Variants in PCDH15 observed in about 807,000 individuals in gnomAD.
PCDH15 encodes the protein protocadherin related 15, also known as protocadherin-15.
A neutral mutation model predicts 178.5 loss-of-function variants in PCDH15; 129 were observed. The observed-to-expected ratio is 0.72, with a 90% CI of 0.63 to 0.84. The LOEUF (loss-of-function observed/expected upper bound fraction) is 0.84, where lower values mean the gene tolerates loss of function less well. Ranked by LOEUF, PCDH15 falls within the 40% of genes least tolerant of loss-of-function variation. PCDH15 has a pLI of 0.00. For synonymous variants in PCDH15, 800 were observed against 732.0 expected (o/e 1.09, Z -1.50); for missense variants, 2,230 against 2,099.9 (o/e 1.06, Z -1.21).
At chr10:53,921,200 T>G (rs1428927715) in intron 25 of PCDH15, among the ~76,000 whole-genome samples, 1 of 152,192 alleles carries the variant, frequency 6.6e-6, no homozygotes, top group African/African-American at 2.4e-5. Context: ...CAACACAAAT[T>G]GATAAACCTT....
Position 54,750,095 on chromosome 10 carries a change from T to C in PCDH15, c.-29+50830A>G, listed in dbSNP as rs78934101. Among the ~76,000 whole-genome samples the C allele has an allele frequency of 2.0e-5, 3 of 152,000 alleles. No homozygotes were observed. The East Asian group carries it at 5.8e-4, about 29-fold the overall frequency. On this transcript the variant is annotated intron_variant, in intron 1 of 37. Coordinates refer to ENST00000644397, the MANE Select transcript of PCDH15 (RefSeq NM_001384140.1). ...AGGTACATGAAGCGCCCTTGCTCTG[T>C]CTCTCTTTCTCTCTTTCTCTCCTCT...
At chr10:54,204,854 A>T (rs952618536) in intron 10 of PCDH15, among the ~76,000 whole-genome samples, 2 of 152,234 alleles carry the variant, frequency 1.3e-5, no homozygotes, top group Admixed American at 6.5e-5. Context: ...CTTTCCCACT[A>T]AGTGTTTCCC....
At chr10:55,216,891 G>A (rs1840719454) in intron 1 of PCDH15, among the ~76,000 whole-genome samples, 1 of 151,774 alleles carries the variant, frequency 6.6e-6, no homozygotes. Context: ...TTTTCTCCAT[G>A]TAAGTAAAGC....
intron 1 of PCDH15, among the ~76,000 whole-genome samples, chr10:55,201,683 T>C (rs1237484581): frequency 6.6e-6 from 1 of 152,186 alleles, no homozygotes; most frequent in African/African-American, 2.4e-5. Context: ...ATTCCACTGA[T>C]ACGTGAAAAC....
At chr10:54,144,235 G>A (rs528448585) in intron 14 of PCDH15, among the ~76,000 whole-genome samples, 186 of 152,176 alleles carry the variant, frequency 1.2e-3, no homozygotes, top group Non-Finnish European at 2.2e-3. Context: ...CTGACAACCA[G>A]TTTCCCCATG....
At chr10:54,294,771 A>G (rs1408297279) in intron 8 of PCDH15, among the ~76,000 whole-genome samples, 1 of 152,240 alleles carries the variant, frequency 6.6e-6, no homozygotes, top group African/African-American at 2.4e-5. Flanking sequence ...CTGGATTATT[A>G]GAATTATTTT....
intron 5 of PCDH15, among the ~76,000 whole-genome samples, chr10:54,354,035 GAGTGCA>G (rs1178846385): frequency 2.6e-5 from 4 of 152,090 alleles, no homozygotes; most frequent in Non-Finnish European, 5.9e-5. Flanking sequence ...GGCCAGGCTG[GAGTGCA>G]ATGGCACAAT....
intron 3 of PCDH15, among the ~76,000 whole-genome samples, chr10:54,894,100 C>T (rs1954509668): frequency 6.6e-6 from 1 of 152,016 alleles, no homozygotes; most frequent in African/African-American, 2.4e-5. Flanking sequence ...TATTTGAATT[C>T]AGAAGTGTTT....
At chr10:54,462,938 C>T (rs1370817448) in intron 3 of PCDH15, among the ~76,000 whole-genome samples, 2 of 151,822 alleles carry the variant, frequency 1.3e-5, no homozygotes, top group East Asian at 3.9e-4. Context: ...TTTCATAAAA[C>T]ACTAAAAATG....
intron 1 of PCDH15, among the ~76,000 whole-genome samples, chr10:55,173,176 T>TA (rs1349582075): frequency 6.6e-6 from 1 of 151,948 alleles, no homozygotes; most frequent in Non-Finnish European, 1.5e-5. Context: ...CTTTTTTTTT[T>TA]AACCTCCAGG....
At chr10:55,349,044 G>A (rs531243146) in intron 2 of PCDH15, among the ~76,000 whole-genome samples, 34 of 152,222 alleles carry the variant, frequency 2.2e-4, no homozygotes, top group Middle Eastern at 3.4e-3. Context: ...CAGATTGCAT[G>A]GACTTGATCA....
intron 14 of PCDH15, among the ~76,000 whole-genome samples, chr10:54,135,451 A>T (rs1452320751): frequency 6.6e-6 from 1 of 152,146 alleles, no homozygotes. Flanking sequence ...AAACAATGGG[A>T]AGTTACAAAA....
chr10:53,862,565 T>A (rs1589140311), intron 27 of PCDH15, among the ~76,000 whole-genome samples: 1 of 152,168 alleles, frequency 6.6e-6, no homozygotes, highest in Non-Finnish European at 1.5e-5. Flanking sequence ...CAGTGACAGG[T>A]ACATTTTTTT....
intron 1 of PCDH15, among the ~76,000 whole-genome samples, chr10:54,678,563 A>G (rs534174308): frequency 6.6e-6 from 1 of 152,276 alleles, no homozygotes; most frequent in Admixed American, 6.5e-5. Context: ...ACAAATTTTA[A>G]AAACAAAAAA....
In PCDH15 at chr10:55,391,854, C is replaced by T. The variant is rs190962753; in HGVS notation, c.-155-225203G>A. 2.8e-3 allele frequency among the ~76,000 whole-genome samples: 423 copies of T among 152,300 alleles called. 1 individual carries two copies. Among genetic ancestry groups the T allele is most frequent in the Non-Finnish European group, 5.2e-3 (354 of 68,026 alleles). On this transcript the variant is annotated intron_variant, in intron 2 of 5. Coordinates refer to the PCDH15 transcript ENST00000613346. ...TTCACAACCCGGCTAACTGTTTGGC[C>T]TAAGAGGCCTAGCTTTCAGCCTATC... is the stretch of plus-strand genomic sequence containing the variant.
chr10:54,503,225 A>ATGTG (rs35951831), intron 3 of PCDH15, among the ~76,000 whole-genome samples: 6,261 of 83,710 alleles, frequency 0.075, 244 homozygotes, highest in African/African-American at 0.14. Context: ...ATACATATAT[A>ATGTG]TGTGTGTGTG....
At chr10:54,615,322 A>G (rs1439656415) in intron 2 of PCDH15, among the ~76,000 whole-genome samples, 16 of 152,088 alleles carry the variant, frequency 1.1e-4, no homozygotes, top group African/African-American at 2.4e-5. Context: ...GTATAGAAGT[A>G]TACTCAGTAG....
At chr10:54,902,203 A>G (rs1954649013) in intron 2 of PCDH15, among the ~76,000 whole-genome samples, 1 of 152,190 alleles carries the variant, frequency 6.6e-6, no homozygotes, top group Non-Finnish European at 1.5e-5. Flanking sequence ...ACCTACTTTC[A>G]TATATTATCA....
chr10:54,486,615 C>T (rs2079122026), intron 3 of PCDH15, among the ~76,000 whole-genome samples: 1 of 151,394 alleles, frequency 6.6e-6, no homozygotes, highest in Non-Finnish European at 1.5e-5. Flanking sequence ...TTTTAAAATA[C>T]TGCTCCTTCC....
Sources: gnomAD v4.1 joint callset for allele counts (sites outside exome capture counted in the v4.1 genomes callset) on GRCh38, gnomAD v4.1.1 for gene constraint, MANE v1.5 for transcripts, NCBI Gene and HGNC (gene_info 2026-07-23, HGNC 2026-07-21) for gene names.